The following KCNIP4 variants were observed in gnomAD, a reference collection of about 807,000 sequenced individuals.
The protein encoded by KCNIP4 is potassium voltage-gated channel interacting protein 4.
A neutral mutation model predicts 34.0 loss-of-function variants in KCNIP4; 12 were observed. The ratio of observed to expected loss-of-function variants is 0.35; its 90% CI spans 0.23 to 0.57. KCNIP4 has a LOEUF of 0.57. Among genes scored for constraint, KCNIP4 ranks in the 20% least tolerant of loss-of-function variants. The pLI, the probability that KCNIP4 is intolerant of heterozygous loss-of-function variation, is 0.83. For missense variants in KCNIP4, 238 were observed against 311.7 expected (o/e 0.76, Z 1.78); for synonymous variants, 124 against 102.2 (o/e 1.21, Z -1.29).
chr4:21,659,183 C>T (rs1356544673), intron 1 of KCNIP4, among the ~76,000 whole-genome samples: 1 of 152,114 alleles, frequency 6.6e-6, no homozygotes, highest in Non-Finnish European at 1.5e-5. Context: ...ATCAGAGCAT[C>T]TCATTGCCTA....
chr4:21,421,274 T>A (rs2874929), intron 1 of KCNIP4, among the ~76,000 whole-genome samples: 43,517 of 152,070 alleles, frequency 0.29, 7,153 homozygotes, highest in Non-Finnish European at 0.38. Flanking sequence ...TTTCTGGGTA[T>A]ATATCCATAG....
intron 1 of KCNIP4, among the ~76,000 whole-genome samples, chr4:21,705,708 A>C (rs952614200): frequency 6.6e-6 from 1 of 152,176 alleles, no homozygotes; most frequent in African/African-American, 2.4e-5. Context: ...TTTGAGTAAA[A>C]TTTGAAGGTG....
intron 1 of KCNIP4, among the ~76,000 whole-genome samples, chr4:21,498,090 T>G (rs1268223890): frequency 6.6e-6 from 1 of 152,198 alleles, no homozygotes; most frequent in Non-Finnish European, 1.5e-5. Context: ...CAGATATTTA[T>G]AAATTTAAAA....
intron 1 of KCNIP4, among the ~76,000 whole-genome samples, chr4:21,125,009 A>G (rs574851068): frequency 3.8e-4 from 57 of 151,388 alleles, no homozygotes; most frequent in African/African-American, 1.3e-3. Flanking sequence ...CCCCACTTGG[A>G]GACAGTGGCT....
At chr4:21,339,495 AC>A in intron 1 of KCNIP4, among the ~76,000 whole-genome samples, 1 of 152,330 alleles carries the variant, frequency 6.6e-6, no homozygotes, top group African/African-American at 2.4e-5. Context: ...ACCTTAAGAG[AC>A]TTTTTCTGGT....
intron 1 of KCNIP4, among the ~76,000 whole-genome samples, chr4:21,807,027 T>C (rs1026419594): frequency 6.6e-6 from 1 of 151,642 alleles, no homozygotes; most frequent in Admixed American, 6.6e-5. Context: ...AACTAGATGG[T>C]CCCACCTTGA....
chr4:20,868,855 C>T (rs1723135090), intron 2 of KCNIP4, among the ~76,000 whole-genome samples: 1 of 152,070 alleles, frequency 6.6e-6, no homozygotes, highest in South Asian at 2.1e-4. Context: ...CATTGAAAAA[C>T]TACCTATTGG....
chr4:21,071,196 T>C (rs1006005369), intron 1 of KCNIP4, among the ~76,000 whole-genome samples: 3 of 152,168 alleles, frequency 2.0e-5, no homozygotes, highest in African/African-American at 7.2e-5. Flanking sequence ...TTTTCTCCCA[T>C]GTGACCTGCT....
chr4:21,169,847 A>C (rs1331827352), intron 1 of KCNIP4, among the ~76,000 whole-genome samples: 1 of 152,046 alleles, frequency 6.6e-6, no homozygotes, highest in Non-Finnish European at 1.5e-5. Flanking sequence ...TCTTTTGTGC[A>C]ATCTCTACTT....
intron 1 of KCNIP4, among the ~76,000 whole-genome samples, chr4:21,559,613 G>A (rs2109029947): frequency 6.6e-6 from 1 of 152,178 alleles, no homozygotes; most frequent in African/African-American, 2.4e-5. Context: ...GACTCTGCCA[G>A]GAAAGCCACT....
intron 1 of KCNIP4, among the ~76,000 whole-genome samples, chr4:21,394,125 A>T (rs1422820541): frequency 6.6e-6 from 1 of 152,216 alleles, no homozygotes; most frequent in South Asian, 2.1e-4. Flanking sequence ...AATGTTTCAG[A>T]TTCTTTCAAC....
At chr4:21,567,116 C>G (rs1739954158) in intron 1 of KCNIP4, among the ~76,000 whole-genome samples, 1 of 152,056 alleles carries the variant, frequency 6.6e-6, no homozygotes, top group Non-Finnish European at 1.5e-5. Flanking sequence ...CCTATAATCA[C>G]TATGACAAAG....
At position 21,112,448 on chromosome 4, in the gene KCNIP4, T is replaced by C. The variant is rs534132906; in HGVS notation, c.62-229739A>G. Among the ~76,000 whole-genome samples the C allele has an allele frequency of 3.3e-5, 5 of 152,366 alleles. No homozygotes were observed. In the East Asian group the frequency reaches 9.7e-4, roughly 29 times the overall value. ...AAAAATCGGAGGTCCAGACCTCTGATGTCTTCCGAGTAAAGCTAAGCTTTT... is the reference window on the plus strand; with the variant it reads ...AAAAATCGGAGGTCCAGACCTCTGACGTCTTCCGAGTAAAGCTAAGCTTTT... On this transcript the variant is annotated intron_variant, in intron 1 of 8. Transcript: ENST00000382152.
rs935243957 is a variant in KCNIP4 at position 21,218,987 on chromosome 4, T to A, written c.62-336278A>T. 1.7e-4 allele frequency among the ~76,000 whole-genome samples: 26 copies of A among 152,286 alleles called. No homozygotes were observed. In the East Asian group the frequency reaches 5.0e-3, roughly 29 times the overall value. Reference sequence around the variant, plus strand: ...ATTTTTAGGACTTCTAGAAATATTATAAATTCGTAAATTTAATCAATTTAT... The same window carrying A: ...ATTTTTAGGACTTCTAGAAATATTAAAAATTCGTAAATTTAATCAATTTAT... On this transcript the variant is annotated intron_variant, in intron 1 of 8. Coordinates refer to ENST00000382152, the MANE Select transcript of KCNIP4 (RefSeq NM_025221.6).
Position 21,833,329 on chromosome 4 carries a change from T to C in KCNIP4, c.61+115242A>G, listed in dbSNP as rs1483741797. Among the ~76,000 whole-genome samples the C allele has an allele frequency of 2.0e-5, 3 of 152,280 alleles. No individual in the cohort carries two copies. The East Asian group carries it at 5.8e-4, about 29-fold the overall frequency. On this transcript the variant is annotated intron_variant, in intron 1 of 8. Coordinates refer to ENST00000382152, the MANE Select transcript of KCNIP4 (RefSeq NM_025221.6). ...CTCATTGTGGTTTTGATTTGCATTT[T>C]TCTGATGGCAAGTGATGGTGAGCAT... is the stretch of plus-strand genomic sequence containing the variant.
chr4:20,980,203 A>G (rs1560618636), intron 1 of KCNIP4, among the ~76,000 whole-genome samples: 1 of 152,194 alleles, frequency 6.6e-6, no homozygotes, highest in South Asian at 2.1e-4. Context: ...ACCAGAATGT[A>G]AGCTTGTTGA....
Position 21,684,911 on chromosome 4 carries a change from C to A in KCNIP4, c.61+263660G>T, listed in dbSNP as rs545290395. Among the ~76,000 whole-genome samples, 474 of 152,070 alleles carry A rather than the reference C, an allele frequency of 3.1e-3. 1 individual carries two copies. The highest frequency in any genetic ancestry group is 5.3e-3 in the Non-Finnish European group (363 of 67,998). On this transcript the variant is annotated intron_variant, in intron 1 of 8. Transcript: ENST00000382152. ...ATAGGTGGGAATTGAACAATAAAAACAAACTTAATTACAAATTTTTTGAAA... is the reference window on the plus strand; with the variant it reads ...ATAGGTGGGAATTGAACAATAAAAAAAAACTTAATTACAAATTTTTTGAAA...
chr4:21,842,702 G>T (rs1723760236), intron 1 of KCNIP4, among the ~76,000 whole-genome samples: 1 of 152,034 alleles, frequency 6.6e-6, no homozygotes, highest in Admixed American at 6.6e-5. Flanking sequence ...TTTTTAAGAA[G>T]TAATAGTCTT....
chr4:21,059,569 G>A (rs1023397421), intron 1 of KCNIP4, among the ~76,000 whole-genome samples: 1 of 152,014 alleles, frequency 6.6e-6, no homozygotes, highest in African/African-American at 2.4e-5. Flanking sequence ...CCTAAGTCCT[G>A]GGGAAAGGAA....
Sources: allele counts gnomAD v4.1 joint callset (sites outside exome capture counted in the v4.1 genomes callset), GRCh38; gene constraint gnomAD v4.1.1; transcripts MANE v1.5; gene names NCBI Gene and HGNC (gene_info 2026-07-23, HGNC 2026-07-21).